PCDHA11: variants seen among roughly 807,000 people sequenced by gnomAD.
PCDHA11 encodes protocadherin alpha-11.
In PCDHA11, 61 loss-of-function variants were observed where a neutral mutation model predicts 70.3. The ratio of observed to expected loss-of-function variants is 0.87; its 90% CI spans 0.71 to 1.07. PCDHA11 has a LOEUF of 1.07. Among genes scored for constraint, PCDHA11 ranks in the 50% least tolerant of loss-of-function variants. The pLI is 0.00. For synonymous variants in PCDHA11, 633 were observed against 555.1 expected, an observed-to-expected ratio of 1.14 and a Z score of -1.97; for missense variants, 1,324 against 1,237.5, an observed-to-expected ratio of 1.07 and a Z score of -1.05.
intron 1 of PCDHA11, chr5:140,884,792 G>T: frequency 7.6e-7 from 1 of 1,312,776 alleles, no homozygotes; most frequent in Non-Finnish European, 1.0e-6. Context: ...AGTTGTTATC[G>T]AATTTAACAA....
chr5:140,925,498 A>G (rs1268906717), intron 1 of PCDHA11, among the ~76,000 whole-genome samples: 1 of 152,124 alleles, frequency 6.6e-6, no homozygotes, highest in East Asian at 1.9e-4. Flanking sequence ...CACTGTCCCA[A>G]TATCCACGCA....
intron 1 of PCDHA11, among the ~76,000 whole-genome samples, chr5:140,941,249 TTCTTTC>T (rs1367740560): frequency 3.0e-4 from 42 of 138,342 alleles, no homozygotes; most frequent in South Asian, 7.1e-4. Context: ...CTTTCTTTCT[TTCTTTC>T]TCTTTCTTTC....
chr5:140,975,840 A>G (rs1387222678), intron 1 of PCDHA11, among the ~76,000 whole-genome samples: 2 of 152,202 alleles, frequency 1.3e-5, no homozygotes, highest in African/African-American at 2.4e-5. Context: ...CTTATTCTTC[A>G]GTAATACTAC....
In PCDHA11 at chr5:140,870,671, A is replaced by C. The variant is rs782353440; in HGVS notation, c.1568A>C (p.Asp523Ala). Residue 523 changes from aspartate to alanine, a missense_variant, in exon 1 of 4, where the codon GAC becomes GCC. Transcript: ENST00000398640. ...SGKVYALQPL[D>A]HEELELLQFQ... Reference sequence around the variant, plus strand: ...AAGGTGTACGCGCTGCAGCCGTTGGACCACGAGGAGCTGGAGCTGCTACAG... The same window carrying C: ...AAGGTGTACGCGCTGCAGCCGTTGGCCCACGAGGAGCTGGAGCTGCTACAG... The C allele has an allele frequency of 1.2e-6, 2 of 1,612,606 alleles. No homozygotes were observed. The highest frequency in any genetic ancestry group is 2.2e-5 in the East Asian group (1 of 44,868).
At chr5:140,961,345 C>T (rs1440791542) in intron 1 of PCDHA11, among the ~76,000 whole-genome samples, 1 of 152,136 alleles carries the variant, frequency 6.6e-6, no homozygotes, top group Non-Finnish European at 1.5e-5. Context: ...AGAGTGGATC[C>T]CTGTAGTCCC....
rs150845602 is a variant in PCDHA11 at position 140,869,090 on chromosome 5, C to G, written c.-14C>G. ...GTGTAAAGAAGCTTATTTTGGAAGC[C>G]AATTTCGTATGCGATGTTTGGTTTT... On this transcript the variant is annotated 5_prime_UTR_variant, in exon 1 of 4. Coordinates refer to ENST00000398640, the MANE Select transcript of PCDHA11 (RefSeq NM_018902.5). 1.3e-6 allele frequency: 2 copies of G among 1,589,674 alleles called. No individual in the cohort carries two copies. Among genetic ancestry groups the G allele is most frequent in the African/African-American group, 1.4e-5 (1 of 74,014 alleles).
chr5:140,978,427 GTTGCT>G (rs2096802128), intron 1 of PCDHA11, among the ~76,000 whole-genome samples: 1 of 152,196 alleles, frequency 6.6e-6, no homozygotes, highest in Non-Finnish European at 1.5e-5. Context: ...ACTGTTATCA[GTTGCT>G]GGTGTTATGA....
At chr5:140,895,340 A>G (rs964651163) in intron 1 of PCDHA11, among the ~76,000 whole-genome samples, 1 of 151,822 alleles carries the variant, frequency 6.6e-6, no homozygotes, top group African/African-American at 2.4e-5. Context: ...TTGTTTTACT[A>G]TGCTTTCCAG....
chr5:140,949,260 T>A (rs1292112980), intron 1 of PCDHA11, among the ~76,000 whole-genome samples: 1 of 151,804 alleles, frequency 6.6e-6, no homozygotes, highest in African/African-American at 2.4e-5. Flanking sequence ...GATGAACATA[T>A]CACGTGCACT....
At position 140,877,452 on chromosome 5, in the gene PCDHA11, G is replaced by A. The variant is rs116206336; in HGVS notation, c.2391+5958G>A. On this transcript the variant is annotated intron_variant, in intron 1 of 3. Transcript: ENST00000398640. ...AGGACCACGGTGAGCCCGCGCTGAC[G>A]TCCACGGCCACGGTGCTGGTGTCGC... 1,416 of 1,613,822 alleles carry A rather than the reference G, an allele frequency of 8.8e-4. 8 individuals carry two copies. The African/African-American group carries it at 0.017, about 19-fold the overall frequency.
intron 1 of PCDHA11, chr5:140,967,043 G>A: frequency 6.2e-7 from 1 of 1,612,108 alleles, no homozygotes; most frequent in Non-Finnish European, 8.5e-7. Context: ...CCTGGAGCTG[G>A]ACCTGACGAG....
At chr5:140,959,281 G>T (rs1395135880) in intron 1 of PCDHA11, among the ~76,000 whole-genome samples, 2 of 152,044 alleles carry the variant, frequency 1.3e-5, no homozygotes, top group Admixed American at 1.3e-4. Context: ...GGAGCCTGAG[G>T]TGGGAGCATC....
At chr5:140,883,467 C>T in intron 1 of PCDHA11, 1 of 1,614,170 alleles carries the variant, frequency 6.2e-7, no homozygotes, top group Non-Finnish European at 8.5e-7. Flanking sequence ...CTGGTGTCCA[C>T]CTACAAGAAC....
chr5:140,929,554 C>G (rs899446101), intron 1 of PCDHA11: 17 of 488,414 alleles, frequency 3.5e-5, no homozygotes, highest in Non-Finnish European at 5.5e-5. Flanking sequence ...AAAATTAAAA[C>G]CTATTTAAGA....
chr5:140,948,096 T>C (rs550126735), intron 1 of PCDHA11, among the ~76,000 whole-genome samples: 1 of 151,754 alleles, frequency 6.6e-6, no homozygotes, highest in East Asian at 1.9e-4. Flanking sequence ...TATGAGCATA[T>C]GATTTTTCTT....
chr5:140,930,997 A>G (rs1355351475), intron 1 of PCDHA11, among the ~76,000 whole-genome samples: 3 of 152,198 alleles, frequency 2.0e-5, no homozygotes, highest in Admixed American at 1.3e-4. Context: ...GACCTACACT[A>G]ATAACATAAC....
intron 1 of PCDHA11, among the ~76,000 whole-genome samples, chr5:140,934,524 G>A (rs181182103): frequency 4.4e-4 from 67 of 152,192 alleles, no homozygotes; most frequent in Admixed American, 3.1e-3. Context: ...ACCACACTTC[G>A]AGAGCTACCG....
At chr5:140,972,750 G>A (rs2096554223) in intron 1 of PCDHA11, among the ~76,000 whole-genome samples, 2 of 143,042 alleles carry the variant, frequency 1.4e-5, no homozygotes, top group South Asian at 2.2e-4. Context: ...TGCAACCTCC[G>A]CCTCCCAAGT....
At chr5:140,949,237 A>G (rs1239213091) in intron 1 of PCDHA11, among the ~76,000 whole-genome samples, 1 of 151,790 alleles carries the variant, frequency 6.6e-6, no homozygotes, top group South Asian at 2.1e-4. Context: ...GTGGCCCAGC[A>G]ACAGTCTATC....
Sources: allele counts gnomAD v4.1 joint callset (sites outside exome capture counted in the v4.1 genomes callset), GRCh38; gene constraint gnomAD v4.1.1; transcripts MANE v1.5; gene names NCBI Gene and HGNC (gene_info 2026-07-23, HGNC 2026-07-21).